Variants in GREB1 observed in about 807,000 individuals in gnomAD.
The protein encoded by GREB1 is protein GREB1.
In GREB1, 106 loss-of-function variants were observed where a neutral mutation model predicts 200.7. That is an observed-to-expected ratio of 0.53 (90% CI 0.45 to 0.62). GREB1 has a LOEUF of 0.62. Among genes scored for constraint, GREB1 ranks in the 20% least tolerant of loss-of-function variants. The pLI, the probability that GREB1 is intolerant of heterozygous loss-of-function variation, is 0.00. For missense variants in GREB1, 2,243 were observed against 2,556.8 expected (o/e 0.88, Z 2.65); for synonymous variants, 1,132 against 1,092.4 (o/e 1.04, Z -0.72).
chr2:11,551,095 C>T (rs1376883454), intron 1 of GREB1, among the ~76,000 whole-genome samples: 1 of 152,188 alleles, frequency 6.6e-6, no homozygotes, highest in Non-Finnish European at 1.5e-5. Context: ...TGAGCTAGCT[C>T]ACTGTTGCCA....
intron 23 of GREB1, among the ~76,000 whole-genome samples, chr2:11,622,700 G>A (rs1245308360): frequency 6.6e-6 from 1 of 152,192 alleles, no homozygotes. Context: ...GAGCCATACT[G>A]GCTGGGGGGC....
At chr2:11,533,759 T>C (rs1022706104), upstream of GREB1, among the ~76,000 whole-genome samples, 1 of 152,172 alleles carries the variant, frequency 6.6e-6, no homozygotes, top group African/African-American at 2.4e-5. Flanking sequence ...TTCAGTTGTG[T>C]GGACCATATT....
intron 1 of GREB1, among the ~76,000 whole-genome samples, chr2:11,499,743 A>C (rs1299599912): frequency 1.3e-5 from 2 of 152,204 alleles, no homozygotes; most frequent in African/African-American, 2.4e-5. Context: ...ATTTTGGGAG[A>C]TTCTTCATAT....
In GREB1 at chr2:11,591,437, A is replaced by G. The variant is rs763781424; in HGVS notation, c.1346-1339A>G. 5 of 723,394 alleles carry G rather than the reference A, an allele frequency of 6.9e-6. No homozygotes were observed. The African/African-American group carries it at 6.9e-5, about 10-fold the overall frequency. 44.8% of individuals were successfully genotyped at this position (723,394 alleles called of 1,614,324 possible). ...TCCGGACGTATAAACCAGACAATTC[A>G]TAAAAGAGAAAATACCAGAAGGAAA... On this transcript the variant is annotated intron_variant, in intron 10 of 32. Coordinates refer to ENST00000381486, the MANE Select transcript of GREB1 (RefSeq NM_014668.4).
In GREB1 at chr2:11,598,933, G is replaced by A. The variant is rs532531367; in HGVS notation, c.2333+73G>A. On this transcript the variant is annotated intron_variant, in intron 15 of 32. Coordinates refer to ENST00000381486, the MANE Select transcript of GREB1 (RefSeq NM_014668.4). ...GTGATGTATGTGGATGTTCCCGGGG[G>A]CTGAGGGTACAAATCCTGAAAAGAT... is the stretch of plus-strand genomic sequence containing the variant. 4 of 1,268,766 alleles carry A rather than the reference G, an allele frequency of 3.2e-6. No individual in the cohort carries two copies. In the Admixed American group the frequency reaches 7.0e-5, roughly 22 times the overall value. 78.6% of individuals were successfully genotyped at this position (1,268,766 alleles called of 1,614,324 possible).
rs746575916 is a variant in GREB1 at position 11,578,478 on chromosome 2, C to T, written c.772+47C>T. ...AGAGCTGCTAAACCCACAGAGCTGG[C>T]ACTGTCTCCGATGTGTCCGGTTGAC... On this transcript the variant is annotated intron_variant, in intron 6 of 32. Coordinates refer to ENST00000381486, the MANE Select transcript of GREB1 (RefSeq NM_014668.4). 5 of 1,597,930 alleles carry T rather than the reference C, an allele frequency of 3.1e-6. No homozygotes were observed. In the East Asian group the frequency reaches 9.0e-5, roughly 29 times the overall value.
intron 17 of GREB1, among the ~76,000 whole-genome samples, chr2:11,610,040 C>T (rs1188205761): frequency 6.6e-6 from 1 of 152,168 alleles, no homozygotes; most frequent in Non-Finnish European, 1.5e-5. Context: ...CGGGTCAGAG[C>T]CACTCTAGGA....
Position 11,597,839 on chromosome 2 carries a change from C to T in GREB1, c.2013C>T (p.Leu671=). Residue 671 remains leucine (L), a synonymous_variant, in exon 14 of 33, where the codon CTC becomes CTT. Transcript: ENST00000381486. This position sits in a 1 kb window ranked among gnomAD's most constrained non-coding sequence, Gnocchi z 4.1. ...RPFQLAVAQK[L]LSHVCSIADS... The stretch of plus-strand genomic sequence containing the variant: ...TCCAGCTGGCAGTAGCGCAGAAGCT[C>T]CTCTCCCATGTGTGTTCCATTGCGG... 13 of 1,614,202 alleles carry T rather than the reference C, an allele frequency of 8.1e-6. No homozygotes were observed. The highest frequency in any genetic ancestry group is 1.1e-5 in the Non-Finnish European group (13 of 1,180,038).
intron 1 of GREB1, among the ~76,000 whole-genome samples, chr2:11,487,814 T>C (rs1192271873): frequency 3.3e-5 from 5 of 152,216 alleles, no homozygotes; most frequent in Non-Finnish European, 5.9e-5. Context: ...TATCATTTCA[T>C]GCCCCTGGTG....
Position 11,499,836 on chromosome 2 carries a change from G to C in GREB1, c.-159+17455G>C, listed in dbSNP as rs897877308. On this transcript the variant is annotated intron_variant, in intron 1 of 2. Coordinates refer to the GREB1 transcript ENST00000628795. ...TTTGCTGTAGGTCTGCTAGGAACCT[G>C]TACCCATGTCATTACTGTAAGCATT... is the stretch of plus-strand genomic sequence containing the variant. Among the ~76,000 whole-genome samples, 4 of 152,270 alleles carry C rather than the reference G, an allele frequency of 2.6e-5. No homozygotes were observed. The East Asian group carries it at 7.7e-4, about 29-fold the overall frequency.
intron 1 of GREB1, among the ~76,000 whole-genome samples, chr2:11,510,468 T>G (rs1232294433): frequency 6.6e-6 from 1 of 152,208 alleles, no homozygotes; most frequent in African/African-American, 2.4e-5. Flanking sequence ...TAATTTATAA[T>G]TCCTTCTTCA....
chr2:11,598,739 T>C lies in GREB1; in HGVS notation c.2212T>C (p.Tyr738His), dbSNP rs771844304. 30 of 1,614,188 alleles carry C rather than the reference T, an allele frequency of 1.9e-5. No individual in the cohort carries two copies. The East Asian group carries it at 6.2e-4, about 34-fold the overall frequency. Residue 738 changes from tyrosine (Y) to histidine (H), a missense_variant, in exon 15 of 33, where the codon TAT becomes CAT. Tyr to His is a moderately conservative substitution (Grantham distance 83). Transcript: ENST00000381486. ...EHMTKQRVEQ[Y>H]VLKLDTEAQT... is the part of the protein sequence containing the mutation. ...CATGACGAAGCAGAGGGTGGAACAG[T>C]ATGTTCTGAAGCTAGACACGGAGGC...
intron 3 of GREB1, among the ~76,000 whole-genome samples, chr2:11,563,681 T>C (rs1677317314): frequency 6.6e-6 from 1 of 152,162 alleles, no homozygotes; most frequent in Admixed American, 6.5e-5. Flanking sequence ...TGTAAAATGG[T>C]TTACATATGA....
intron 18 of GREB1, among the ~76,000 whole-genome samples, chr2:11,612,023 G>A (rs1163992941): frequency 6.6e-6 from 1 of 152,030 alleles, no homozygotes; most frequent in Admixed American, 6.5e-5. Flanking sequence ...GAGAAACCCT[G>A]TCTCTACTAA....
At chr2:11,628,987 T>G (rs1408911198) in intron 25 of GREB1, among the ~76,000 whole-genome samples, 1 of 152,222 alleles carries the variant, frequency 6.6e-6, no homozygotes, top group Non-Finnish European at 1.5e-5. Flanking sequence ...TTCTGTTTTC[T>G]CTTCCTTTGC....
At chr2:11,508,507 G>C (rs1391097492) in intron 1 of GREB1, among the ~76,000 whole-genome samples, 4 of 152,170 alleles carry the variant, frequency 2.6e-5, no homozygotes, top group Non-Finnish European at 5.9e-5. Flanking sequence ...TGTGGCAAAG[G>C]TTTGTTTTGC....
chr2:11,539,700 C>CTTCAGGG (rs967118098), intron 1 of GREB1: 8 of 152,012 alleles, frequency 5.3e-5, no homozygotes, highest in Non-Finnish European at 8.8e-5. Flanking sequence ...CAGCAAAACA[C>CTTCAGGG]TTCAGGGCTA....
chr2:11,486,707 A>C (rs529019451), intron 1 of GREB1, among the ~76,000 whole-genome samples: 12 of 152,096 alleles, frequency 7.9e-5, no homozygotes, highest in African/African-American at 2.7e-4. Context: ...GTCTCTACTG[A>C]AAATACAAAA....
At chr2:11,546,797 T>C (rs1675321873) in intron 1 of GREB1, among the ~76,000 whole-genome samples, 1 of 152,190 alleles carries the variant, frequency 6.6e-6, no homozygotes, top group Non-Finnish European at 1.5e-5. Context: ...TGCTGTCCTT[T>C]AGAACTTTAG....
Sources: gnomAD v4.1 joint callset for allele counts (sites outside exome capture counted in the v4.1 genomes callset) on GRCh38, gnomAD v4.1.1 for gene constraint, Gnocchi (gnomAD v3.1) non-coding constraint, MANE v1.5 for transcripts, NCBI Gene and HGNC (gene_info 2026-07-23, HGNC 2026-07-21) for gene names.